RBP4: variants seen among roughly 807,000 people sequenced by gnomAD.
RBP4 encodes the protein retinol-binding protein 4.
A neutral mutation model predicts 26.2 loss-of-function variants in RBP4; 9 were observed. The ratio of observed to expected loss-of-function variants is 0.34; its 90% CI spans 0.21 to 0.60. The LOEUF (loss-of-function observed/expected upper bound fraction) is 0.60, where lower values mean the gene tolerates loss of function less well. Among genes scored for constraint, RBP4 ranks in the 20% least tolerant of loss-of-function variants. The probability of loss-of-function intolerance (pLI) is 0.80; values close to 1 mark genes in which losing one functional copy is unlikely to be tolerated. For synonymous variants in RBP4, 114 were observed against 111.0 expected (o/e 1.03, Z -0.17); for missense variants, 244 against 271.3 (o/e 0.90, Z 0.71).
In RBP4 at chr10:93,600,705, C is replaced by G; in HGVS notation, c.210G>C (p.Gln70His). 13 of 1,610,618 alleles carry G rather than the reference C, an allele frequency of 8.1e-6. No individual in the cohort carries two copies. The highest frequency in any genetic ancestry group is 1.1e-5 in the Non-Finnish European group (13 of 1,178,612). ...VAEFSVDETG[Q>H]MSATAKGRVR... is the part of the protein sequence containing the mutation. ...CTCGGCCCTTGGCTGTGGCGCTCAT[C>G]TGGCCGGTCTCGTCCACGGAGAACT... Residue 70 changes from glutamine (Q) to histidine (H), a missense_variant, in exon 3 of 6, where the codon CAG (glutamine) becomes CAC (histidine). By Grantham distance (24) the Gln-to-His change is conservative. Coordinates refer to ENST00000371464, the MANE Select transcript of RBP4 (RefSeq NM_006744.4).
Position 93,600,457 on chromosome 10 carries a change from G to A in RBP4, c.291C>T (p.Asp97=), listed in dbSNP as rs1439590405. 6 of 1,614,156 alleles carry A rather than the reference G, an allele frequency of 3.7e-6. 1 individual carries two copies. In the South Asian group the frequency reaches 6.6e-5, roughly 18 times the overall value. Residue 97 remains aspartate, a synonymous_variant, in exon 4 of 6, where the codon GAC becomes GAT. Transcript: ENST00000371464. ...VCADMVGTFT[D]TEDPAKFKMK... ...TCTTGAACTTGGCAGGGTCCTCGGT[G>A]TCTGTGAAGGTGCCCACCATGTCTG...
Position 93,601,050 on chromosome 10 carries a change from C to A in RBP4, c.-18-4G>T. 1.2e-6 allele frequency: 2 copies of A among 1,605,392 alleles called. No homozygotes were observed. The highest frequency in any genetic ancestry group is 1.7e-6 in the Non-Finnish European group (2 of 1,179,410). On this transcript the variant is annotated splice_region_variant and splice_polypyrimidine_tract_variant and intron_variant, in intron 1 of 5. Transcript: ENST00000371464. ...TCATCTTGCCCAGGAATCCGCCCTG[C>A]GGGAGACGCGCCTCCGTCAGTGCCC... is the stretch of plus-strand genomic sequence containing the variant.
intron 3 of RBP4, 33 bp from the exon 4 acceptor site, chr10:93,600,532 G>A (rs374211472): frequency 1.4e-5 from 22 of 1,612,802 alleles, no homozygotes; most frequent in Non-Finnish European, 1.5e-5. Context: ...CAGCCAAGCC[G>A]GGCAAAGGGC....
At position 93,601,060 on chromosome 10, in the gene RBP4, G is replaced by T; in HGVS notation, c.-18-14C>A. 1 of 1,602,720 alleles carries T rather than the reference G, an allele frequency of 6.2e-7. No individual in the cohort carries two copies. Among genetic ancestry groups the T allele is most frequent in the Non-Finnish European group, 8.5e-7 (1 of 1,179,194 alleles). On this transcript the variant is annotated splice_polypyrimidine_tract_variant and intron_variant, in intron 1 of 5. Coordinates refer to ENST00000371464, the MANE Select transcript of RBP4 (RefSeq NM_006744.4). The stretch of plus-strand genomic sequence containing the variant: ...CAGGAATCCGCCCTGCGGGAGACGC[G>T]CCTCCGTCAGTGCCCGGCAGCCGAC...
chr10:93,600,895 G>C (rs777065564), intron 2 of RBP4, 23 bp downstream of exon 2: 3 of 1,611,376 alleles, frequency 1.9e-6, no homozygotes, highest in Non-Finnish European at 2.5e-6. Context: ...TGGGCCGCCT[G>C]GGCCCCCTGG....
intron 4 of RBP4, among the ~76,000 whole-genome samples, chr10:93,596,664 T>C (rs2058304962): frequency 6.6e-6 from 1 of 152,192 alleles, no homozygotes; most frequent in Admixed American, 6.5e-5. Context: ...TGCAGCTGTG[T>C]GTATACTGTA....
intron 4 of RBP4, among the ~76,000 whole-genome samples, chr10:93,595,111 G>A (rs931215380): frequency 1.3e-5 from 2 of 152,132 alleles, no homozygotes; most frequent in African/African-American, 4.8e-5. Flanking sequence ...CTGTACTCCA[G>A]CCTGAGTGAG....
At chr10:93,598,086 C>T (rs1335768491) in intron 4 of RBP4, among the ~76,000 whole-genome samples, 1 of 152,192 alleles carries the variant, frequency 6.6e-6, no homozygotes, top group African/African-American at 2.4e-5. Context: ...CACCCTGTGC[C>T]CCTAGGCCAG....
At chr10:93,595,287 G>A (rs1304695850) in intron 4 of RBP4, among the ~76,000 whole-genome samples, 20 of 152,048 alleles carry the variant, frequency 1.3e-4, no homozygotes. Context: ...GACTTTCTGA[G>A]CACTTAATTA....
At chr10:93,600,609 C>T (rs1168940432) in intron 3 of RBP4, 58 bp downstream of exon 3, 40 of 1,612,594 alleles carry the variant, frequency 2.5e-5, no homozygotes, top group Non-Finnish European at 3.1e-5. Flanking sequence ...GATCAGCAGG[C>T]AGGGCCCTTG....
At chr10:93,597,144 G>A (rs2058307719) in intron 4 of RBP4, among the ~76,000 whole-genome samples, 2 of 152,208 alleles carry the variant, frequency 1.3e-5, no homozygotes, top group South Asian at 4.1e-4. Flanking sequence ...ATAATTCTGG[G>A]TTTGAGTCCA....
intron 4 of RBP4, among the ~76,000 whole-genome samples, chr10:93,595,312 T>C (rs1011967701): frequency 1.3e-5 from 2 of 152,180 alleles, no homozygotes; most frequent in Non-Finnish European, 2.9e-5. Context: ...CCAGTCACTG[T>C]ATGGACACTC....
At position 93,600,740 on chromosome 10, in the gene RBP4, T is replaced by C; in HGVS notation, c.175A>G (p.Ile59Val). Residue 59 changes from isoleucine to valine, a missense_variant, in exon 3 of 6, where the codon ATC (isoleucine) becomes GTC (valine). Ile to Val is a conservative substitution (Grantham distance 29). Coordinates refer to ENST00000371464, the MANE Select transcript of RBP4 (RefSeq NM_006744.4). ...TCGTCCACGGAGAACTCCGCGACGA[T>C]GTTGTCCTGCAGAAAGAGGCCCTCG... is the stretch of plus-strand genomic sequence containing the variant. ...DPEGLFLQDN[I>V]VAEFSVDETG... The C allele has an allele frequency of 1.9e-6, 3 of 1,611,506 alleles. No homozygotes were observed. The highest frequency in any genetic ancestry group is 2.5e-6 in the Non-Finnish European group (3 of 1,178,968).
upstream of RBP4, chr10:93,601,717 C>T (rs375203480): frequency 3.9e-6 from 3 of 778,472 alleles, no homozygotes; most frequent in African/African-American, 1.7e-5. Context: ...AATAATTCAT[C>T]CAAGTAGTTT....
intron 5 of RBP4, among the ~76,000 whole-genome samples, chr10:93,592,825 A>AT (rs541450077): frequency 4.4e-4 from 64 of 146,896 alleles, no homozygotes; most frequent in African/African-American, 1.3e-3. Context: ...TATTATTATT[A>AT]TTATTTTTTT....
At chr10:93,600,552 C>T in intron 3 of RBP4, 53 bp from the exon 4 acceptor site, 3 of 1,612,480 alleles carry the variant, frequency 1.9e-6, no homozygotes, top group Middle Eastern at 1.7e-4. Context: ...CTTCCTCCCT[C>T]CCTCCACCCA....
upstream of RBP4, chr10:93,601,563 C>T (rs1215612819): frequency 1.2e-5 from 8 of 670,030 alleles, no homozygotes; most frequent in Non-Finnish European, 2.2e-5. Context: ...GCAGGAGGCT[C>T]GAGTCAACCT....
chr10:93,594,066 A>T, intron 4 of RBP4, 31 bp from the exon 5 acceptor site: 1 of 1,603,504 alleles, frequency 6.2e-7, no homozygotes, highest in African/African-American at 1.3e-5. Context: ...ATGCCGATCA[A>T]TGCCTTTCCC....
At position 93,591,789 on chromosome 10, in the gene RBP4, C is replaced by T. The variant is rs980758113; in HGVS notation, c.*286G>A. 2.3e-6 allele frequency: 1 copy of T among 428,572 alleles called. No homozygotes were observed. The highest frequency in any genetic ancestry group is 4.2e-6 in the Non-Finnish European group (1 of 236,398). The allele number at this position is 428,572 out of a possible 1,614,324, so 26.5% of individuals were successfully genotyped here. On this transcript the variant is annotated 3_prime_UTR_variant, in exon 6 of 6. Coordinates refer to ENST00000371464, the MANE Select transcript of RBP4 (RefSeq NM_006744.4). The stretch of plus-strand genomic sequence containing the variant: ...GCTCCTGGTATAAAGAAGCGCACCC[C>T]ACCCATCCGTCTGCAGCACAGACAT...
Sources: gnomAD v4.1 joint callset for allele counts (sites outside exome capture counted in the v4.1 genomes callset) on GRCh38, gnomAD v4.1.1 for gene constraint, MANE v1.5 for transcripts, NCBI Gene and HGNC (gene_info 2026-07-23, HGNC 2026-07-21) for gene names.